The following CADPS variants were observed in gnomAD, a reference collection of about 807,000 sequenced individuals.
The protein encoded by CADPS is calcium-dependent secretion activator 1.
In CADPS, 57 loss-of-function variants were observed where a neutral mutation model predicts 167.3. The ratio of observed to expected loss-of-function variants is 0.34; its 90% CI spans 0.28 to 0.42. The LOEUF (loss-of-function observed/expected upper bound fraction) is 0.42, where lower values mean the gene tolerates loss of function less well. Ranked by LOEUF, CADPS falls within the 20% of genes least tolerant of loss-of-function variation. CADPS has a pLI of 1.00. For missense variants in CADPS, 1,414 were observed against 1,738.1 expected (o/e 0.81, Z 3.32); for synonymous variants, 676 against 635.3 (o/e 1.06, Z -0.96).
chr3:62,432,948 A>G (rs912075095), intron 28 of CADPS, among the ~76,000 whole-genome samples: 3 of 152,124 alleles, frequency 2.0e-5, no homozygotes, highest in Non-Finnish European at 4.4e-5. Flanking sequence ...TCAGCCCCTT[A>G]GAAGTGCAAC....
chr3:62,712,268 T>G (rs1200079636), intron 3 of CADPS, among the ~76,000 whole-genome samples: 1 of 152,188 alleles, frequency 6.6e-6, no homozygotes, highest in Admixed American at 6.5e-5. Flanking sequence ...TTTTGATAGA[T>G]CCCATCTTAT....
At chr3:62,709,454 CTG>C (rs767882488) in intron 3 of CADPS, among the ~76,000 whole-genome samples, 1 of 152,154 alleles carries the variant, frequency 6.6e-6, no homozygotes, top group Non-Finnish European at 1.5e-5. Flanking sequence ...CAGTTTCCTC[CTG>C]TGAGTTTTCT....
intron 3 of CADPS, among the ~76,000 whole-genome samples, chr3:62,685,457 G>T (rs1017063345): frequency 6.6e-6 from 1 of 151,866 alleles, no homozygotes; most frequent in African/African-American, 2.4e-5. Context: ...AGAAGAGAGA[G>T]GGACCTTAAA....
chr3:62,503,646 A>G (rs2066138030), intron 17 of CADPS, among the ~76,000 whole-genome samples: 1 of 152,212 alleles, frequency 6.6e-6, no homozygotes. Flanking sequence ...ATTATTTTCA[A>G]TTTGGAATTC....
intron 6 of CADPS, among the ~76,000 whole-genome samples, chr3:62,629,348 C>T (rs116380938): frequency 0.017 from 2,521 of 152,240 alleles, 28 homozygotes; most frequent in Non-Finnish European, 0.021. Flanking sequence ...TTTGCATTTT[C>T]CTTATAAATG....
At chr3:62,685,961 A>C (rs2077957282) in intron 3 of CADPS, among the ~76,000 whole-genome samples, 1 of 152,080 alleles carries the variant, frequency 6.6e-6, no homozygotes, top group African/African-American at 2.4e-5. Context: ...TATATTATAT[A>C]GTTTCAAATA....
At chr3:62,769,239 T>A (rs562686209) in intron 1 of CADPS, among the ~76,000 whole-genome samples, 50 of 151,520 alleles carry the variant, frequency 3.3e-4, no homozygotes, top group African/African-American at 6.1e-4. Context: ...TTTTTTTTTT[T>A]AAAACAAACA....
At chr3:62,488,359 C>T (rs2063152511) in intron 21 of CADPS, among the ~76,000 whole-genome samples, 1 of 152,176 alleles carries the variant, frequency 6.6e-6, no homozygotes, top group South Asian at 2.1e-4. Context: ...CTCTTTTTTA[C>T]ACTCCATTTT....
Position 62,428,296 on chromosome 3 carries a change from CTTTT to C in CADPS, c.3777+9804_3777+9807del, listed in dbSNP as rs34002756. On this transcript the variant is annotated intron_variant, in intron 28 of 29. Coordinates refer to ENST00000383710, the MANE Select transcript of CADPS (RefSeq NM_003716.4). Reference sequence around the variant, plus strand: ...TTGCAGCCACCTGGTGGAAGCAAGACTTTTTTTTTTTTTTTTTTTTTTTTTTTTT... The same window carrying C: ...TTGCAGCCACCTGGTGGAAGCAAGACTTTTTTTTTTTTTTTTTTTTTTTTT... Among the ~76,000 whole-genome samples, 234 of 64,546 alleles carry C rather than the reference CTTTT, an allele frequency of 3.6e-3. 1 individual carries two copies. Among genetic ancestry groups the C allele is most frequent in the African/African-American group, 0.017 (211 of 12,324 alleles). The allele number at this position is 64,546 out of a possible 152,430, so 42.3% of individuals were successfully genotyped here. A position where few individuals can be genotyped will look rare whatever the true frequency, so the allele number is the denominator to read the frequency against.
In CADPS at chr3:62,601,905, A is replaced by C. The variant is rs2060026912; in HGVS notation, c.1326-9157T>G. On this transcript the variant is annotated intron_variant, in intron 6 of 29. Transcript: ENST00000383710. The surrounding 1 kb of genome is among the most constrained non-coding windows in gnomAD (Gnocchi z 4.3). ...CTTTTGGGAGAGTGGAGCTCAGAAA[A>C]ATCTATGGGTAAAACAACCTTGTTC... is the stretch of plus-strand genomic sequence containing the variant. Among the ~76,000 whole-genome samples the C allele has an allele frequency of 2.0e-5, 3 of 152,028 alleles. No homozygotes were observed. The South Asian group carries it at 6.2e-4, about 32-fold the overall frequency.
At position 62,762,815 on chromosome 3, in the gene CADPS, T is replaced by C. The variant is rs1016813523; in HGVS notation, c.555+3056A>G. 5.9e-5 allele frequency among the ~76,000 whole-genome samples: 9 copies of C among 152,286 alleles called. 1 individual carries two copies. Among genetic ancestry groups the C allele is most frequent in the Admixed American group, 5.2e-4 (8 of 15,292 alleles). ...GATACTGAGTAATGAATATATGCAT[T>C]AGCAAAACAAGACCGATATCTAAAA... is the stretch of plus-strand genomic sequence containing the variant. On this transcript the variant is annotated intron_variant, in intron 2 of 29. Transcript: ENST00000383710.
At chr3:62,729,953 C>A (rs545469) in intron 3 of CADPS, among the ~76,000 whole-genome samples, 34,361 of 131,062 alleles carry the variant, frequency 0.26, 4,376 homozygotes, top group African/African-American at 0.38. Flanking sequence ...CAAGTGATAC[C>A]AAACTTTTGG....
chr3:62,841,822 TTC>T (rs2076691286), intron 1 of CADPS, among the ~76,000 whole-genome samples: 1 of 152,196 alleles, frequency 6.6e-6, no homozygotes, highest in Admixed American at 6.5e-5. Flanking sequence ...CCAACTACAA[TTC>T]TGTTTGCCAA....
chr3:62,814,074 T>C (rs2094503968), intron 1 of CADPS, among the ~76,000 whole-genome samples: 1 of 152,174 alleles, frequency 6.6e-6, no homozygotes, highest in Admixed American at 6.6e-5. Context: ...TAAAAGATAG[T>C]TGCAACTGCA....
Position 62,847,163 on chromosome 3 carries a change from A to G in CADPS, c.441+27426T>C, listed in dbSNP as rs537924646. 2.1e-3 allele frequency among the ~76,000 whole-genome samples: 318 copies of G among 150,778 alleles called. 1 individual carries two copies. The highest frequency in any genetic ancestry group is 6.9e-3 in the African/African-American group (282 of 41,006). Reference sequence around the variant, plus strand: ...TTTTGATGACTTTGTTAATTTTTTGACTTTTTTCTTATCAACCTGAGAGAA... The same window carrying G: ...TTTTGATGACTTTGTTAATTTTTTGGCTTTTTTCTTATCAACCTGAGAGAA... On this transcript the variant is annotated intron_variant, in intron 1 of 29. Coordinates refer to ENST00000383710, the MANE Select transcript of CADPS (RefSeq NM_003716.4).
At chr3:62,533,412 G>T (rs2074106457) in intron 12 of CADPS, among the ~76,000 whole-genome samples, 1 of 152,122 alleles carries the variant, frequency 6.6e-6, no homozygotes, top group South Asian at 2.1e-4. Flanking sequence ...GTATTGGGGT[G>T]GGGATGTGGC....
At chr3:62,569,412 A>T (rs1253980591) in intron 9 of CADPS, among the ~76,000 whole-genome samples, 1 of 152,216 alleles carries the variant, frequency 6.6e-6, no homozygotes, top group African/African-American at 2.4e-5. Flanking sequence ...GCCGTGGGTT[A>T]TTCTGAGGGA....
chr3:62,529,686 G>A (rs1240069717), intron 13 of CADPS, among the ~76,000 whole-genome samples: 1 of 152,174 alleles, frequency 6.6e-6, no homozygotes, highest in Non-Finnish European at 1.5e-5. Context: ...TATACTGATT[G>A]ACAGCCTGCC....
At chr3:62,479,182 G>T (rs2061662139) in intron 22 of CADPS, among the ~76,000 whole-genome samples, 1 of 152,222 alleles carries the variant, frequency 6.6e-6, no homozygotes, top group African/African-American at 2.4e-5. Context: ...CCAGTCCTGT[G>T]TGCAGTTGGG....
Sources: allele counts gnomAD v4.1 joint callset (sites outside exome capture counted in the v4.1 genomes callset), GRCh38; gene constraint gnomAD v4.1.1; non-coding constraint Gnocchi (gnomAD v3.1); transcripts MANE v1.5; gene names NCBI Gene and HGNC (gene_info 2026-07-23, HGNC 2026-07-21).